XPO4: variants seen among roughly 807,000 people sequenced by gnomAD.
XPO4 encodes the protein exportin 4.
Under a neutral mutation model 143.0 loss-of-function variants are expected in XPO4, and 39 were observed. That is an observed-to-expected ratio of 0.27 (90% confidence interval 0.21 to 0.36). XPO4 has a LOEUF of 0.36. XPO4 is among the 10% of genes least tolerant of loss of function. XPO4 has a pLI of 1.00. For missense variants in XPO4, 907 were observed against 1,348.0 expected (o/e 0.67, Z 5.12); for synonymous variants, 439 against 474.0 (o/e 0.93, Z 0.96).
chr13:20,791,916 GTGTTAAAGCAGGAGTCACCAAA>G (rs1181914763), intron 18 of XPO4, among the ~76,000 whole-genome samples: 4 of 152,212 alleles, frequency 2.6e-5, no homozygotes, highest in Non-Finnish European at 5.9e-5. Context: ...AGAATCTCCT[GTGTTAAAGCAGGAGTCACCAAA>G]TGTTCCCTGC....
intron 7 of XPO4, 56 bp from the exon 8 acceptor site, chr13:20,822,345 G>A (rs2059731258): frequency 4.0e-6 from 6 of 1,484,376 alleles, no homozygotes; most frequent in Admixed American, 2.0e-5. Flanking sequence ...TAAGGGTCAC[G>A]TGTCTACCAT....
intron 6 of XPO4, among the ~76,000 whole-genome samples, chr13:20,827,475 TAC>T (rs1471898397): frequency 3.9e-5 from 6 of 152,124 alleles, no homozygotes; most frequent in Non-Finnish European, 8.8e-5. Context: ...CAGAAGGAAA[TAC>T]ACTTACTGCA....
chr13:20,855,017 A>C (rs1482362483), intron 4 of XPO4, among the ~76,000 whole-genome samples: 1 of 152,244 alleles, frequency 6.6e-6, no homozygotes, highest in Non-Finnish European at 1.5e-5. Flanking sequence ...AGTTCAATAG[A>C]AACGGCTAAC....
At chr13:20,859,762 C>T (rs1344718278) in intron 3 of XPO4, 1 of 703,380 alleles carries the variant, frequency 1.4e-6, no homozygotes, top group African/African-American at 2.0e-5. Flanking sequence ...AGCAACAGAG[C>T]AAGGCTCTGT....
intron 1 of XPO4, among the ~76,000 whole-genome samples, chr13:20,887,066 G>A (rs549130172): frequency 3.3e-5 from 5 of 151,064 alleles, no homozygotes; most frequent in South Asian, 4.2e-4. Context: ...GCGAAACTCC[G>A]TCTCAAAAAA....
At chr13:20,789,282 T>TA (rs1566555765) in intron 19 of XPO4, among the ~76,000 whole-genome samples, 1 of 152,174 alleles carries the variant, frequency 6.6e-6, no homozygotes, top group Admixed American at 6.5e-5. Flanking sequence ...TTCCAATAGT[T>TA]AGAGACGCTC....
rs534437504 is a variant in XPO4 at position 20,892,799 on chromosome 13, G to A, written c.69+9871C>T. 1.2e-4 allele frequency among the ~76,000 whole-genome samples: 18 copies of A among 151,898 alleles called. No individual in the cohort carries two copies. In the South Asian group the frequency reaches 2.7e-3, roughly 23 times the overall value. On this transcript the variant is annotated intron_variant, in intron 1 of 22. Transcript: ENST00000255305. ...CTCGGGAGGCTAAAGGGGGAGGATC[G>A]CTTCAGCCCAGGAGTTTGAGGCTGC... is the stretch of plus-strand genomic sequence containing the variant.
chr13:20,822,390 G>A (rs953723949), intron 7 of XPO4, 101 bp from the exon 8 acceptor site: 3 of 1,020,180 alleles, frequency 2.9e-6, no homozygotes, highest in East Asian at 2.6e-5. Context: ...CACTGTAGCT[G>A]GTTATTTCTA....
At chr13:20,899,625 T>G (rs765762686) in intron 1 of XPO4, among the ~76,000 whole-genome samples, 3 of 152,248 alleles carry the variant, frequency 2.0e-5, no homozygotes, top group Non-Finnish European at 2.9e-5. Flanking sequence ...CCTTTTGATA[T>G]TCATCCTAGA....
intron 9 of XPO4, among the ~76,000 whole-genome samples, chr13:20,815,961 G>GA (rs1460573041): frequency 6.6e-6 from 1 of 151,920 alleles, no homozygotes; most frequent in African/African-American, 2.4e-5. Context: ...ACAGGAGAAG[G>GA]AAAAAACCAC....
At chr13:20,880,681 G>C (rs1033832091) in intron 1 of XPO4, among the ~76,000 whole-genome samples, 1 of 152,076 alleles carries the variant, frequency 6.6e-6, no homozygotes, top group Non-Finnish European at 1.5e-5. Context: ...AAGCGGTAGG[G>C]GGCAGTGGCT....
chr13:20,786,109 G>A (rs945985597), intron 22 of XPO4, among the ~76,000 whole-genome samples: 1 of 152,132 alleles, frequency 6.6e-6, no homozygotes, highest in African/African-American at 2.4e-5. Flanking sequence ...CCTGCAGGAA[G>A]TGGCAGCCTA....
chr13:20,834,252 C>T (rs1027396790), intron 6 of XPO4, among the ~76,000 whole-genome samples: 5 of 151,920 alleles, frequency 3.3e-5, no homozygotes, highest in Non-Finnish European at 7.4e-5. Context: ...AATTCATTAG[C>T]ATTAATAAGC....
rs763588509 is a variant in XPO4 at position 20,800,298 on chromosome 13, C to T, written c.2005G>A (p.Gly669Arg). The T allele has an allele frequency of 8.1e-6, 13 of 1,613,800 alleles. No homozygotes were observed. Among genetic ancestry groups the T allele is most frequent in the South Asian group, 1.1e-5 (1 of 91,052 alleles). Reference protein sequence around the residue: ...QISLPFSTAFGADTEGSQWII... With the variant: ...QISLPFSTAFRADTEGSQWII... ...CACTGAGAACCCTCTGTATCTGCTC[C>T]GAACGCTGTACTGAATGGCAGACTT... The change falls in exon 15 of 23, where the codon GGA becomes AGA. Residue 669 changes from glycine to arginine, a missense_variant. Coordinates refer to ENST00000255305, the MANE Select transcript of XPO4 (RefSeq NM_022459.5).
intron 6 of XPO4, among the ~76,000 whole-genome samples, chr13:20,835,227 T>C (rs1300868205): frequency 2.0e-5 from 3 of 152,144 alleles, no homozygotes; most frequent in African/African-American, 7.2e-5. Flanking sequence ...TTGGAGGAAA[T>C]ACTGATTATT....
chr13:20,787,375 G>T, intron 21 of XPO4, 106 bp downstream of exon 21: 1 of 1,076,196 alleles, frequency 9.3e-7, no homozygotes, highest in Non-Finnish European at 1.4e-6. Context: ...TGGTTTCCTT[G>T]CCCCCGAAAG....
chr13:20,793,415 C>T (rs538141427), intron 18 of XPO4, among the ~76,000 whole-genome samples: 9 of 152,190 alleles, frequency 5.9e-5, no homozygotes, highest in Non-Finnish European at 1.3e-4. Flanking sequence ...TTTTGAAAAT[C>T]TCTCCTTCAA....
chr13:20,785,718 T>C (rs2059192185), intron 22 of XPO4, among the ~76,000 whole-genome samples: 1 of 149,814 alleles, frequency 6.7e-6, no homozygotes, highest in African/African-American at 2.5e-5. Context: ...AGGCAGCAAG[T>C]ATCATACTGG....
chr13:20,798,488 G>A (rs1367462559), intron 16 of XPO4, among the ~76,000 whole-genome samples: 1 of 152,154 alleles, frequency 6.6e-6, no homozygotes, highest in Admixed American at 6.5e-5. Flanking sequence ...CCTAGGAAAT[G>A]AATATCATGG....
Sources: allele counts gnomAD v4.1 joint callset (sites outside exome capture counted in the v4.1 genomes callset), GRCh38; gene constraint gnomAD v4.1.1; transcripts MANE v1.5; gene names NCBI Gene and HGNC (gene_info 2026-07-23, HGNC 2026-07-21).